The following TTN variants were observed in gnomAD, a reference collection of about 807,000 sequenced individuals.
The protein encoded by TTN is connectin.
TTN carries 1,525 observed loss-of-function variants against 3,223.0 expected under a neutral mutation model. The observed-to-expected ratio is 0.47, with a 90% CI of 0.45 to 0.49. TTN has a LOEUF of 0.49. Ranked by LOEUF, TTN falls within the 20% of genes least tolerant of loss-of-function variation. The pLI is 0.00. For missense variants in TTN, 40,786 were observed against 43,424.0 expected (o/e 0.94, Z 5.40); for synonymous variants, 14,094 against 15,161.0 (o/e 0.93, Z 5.17).
Position 178,644,606 on chromosome 2 carries a change from CT to C in TTN, c.40418del (p.Lys13473ArgfsTer19). ...EKIFQLKAIP[K>X]KKVPEKPQVP... is the part of the protein sequence containing the mutation. ...CCTGAGGTTTTTCAGGAACTTTCTT[CT>C]TTGGAATAGCTTTAAAGAATATGAT... On this transcript the variant is annotated frameshift_variant, in exon 218 of 363. Transcript: ENST00000589042. LOFTEE classifies it high-confidence loss of function. 1 of 1,570,016 alleles carries C rather than the reference CT, an allele frequency of 6.4e-7. No homozygotes were observed. The highest frequency in any genetic ancestry group is 8.6e-7 in the Non-Finnish European group (1 of 1,160,976).
chr2:178,615,904 T>A lies in TTN; in HGVS notation c.48313-116A>T, dbSNP rs1019827047. The A allele has an allele frequency of 4.3e-6, 5 of 1,160,444 alleles. No individual in the cohort carries two copies. The African/African-American group carries it at 6.3e-5, about 15-fold the overall frequency. The allele number at this position is 1,160,444 out of a possible 1,614,324, so 71.9% of individuals were successfully genotyped here. A position where few individuals can be genotyped will look rare whatever the true frequency, so the allele number is the denominator to read the frequency against. On this transcript the variant is annotated intron_variant, in intron 257 of 362. Coordinates refer to ENST00000589042, the MANE Select transcript of TTN (RefSeq NM_001267550.2). ...CAGTTGTTTTGAATGCTAGGGATTA[T>A]TCTTACATTAATTTCATATTAGGGA...
At position 178,564,158 on chromosome 2, in the gene TTN, A is replaced by T; in HGVS notation, c.81974T>A (p.Ile27325Asn). The change falls in exon 326 of 363, where the codon ATT (isoleucine) becomes AAT (asparagine). Residue 27325 changes from isoleucine to asparagine, a missense_variant. Transcript: ENST00000589042. ...ELEETAARME[I>N]KSTIQKTTLV... ...AGTTGTTTTCTGAATAGTAGATTTA[A>T]TTTCCATTCTAGCAGCTGTTTCTTC... 6.2e-7 allele frequency: 1 copy of T among 1,613,738 alleles called. No homozygotes were observed. Among genetic ancestry groups the T allele is most frequent in the Non-Finnish European group, 8.5e-7 (1 of 1,179,752 alleles).
Position 178,591,583 on chromosome 2 carries a change from C to A in TTN, c.60220+16G>T. The A allele has an allele frequency of 6.2e-7, 1 of 1,608,322 alleles. No homozygotes were observed. The highest frequency in any genetic ancestry group is 8.5e-7 in the Non-Finnish European group (1 of 1,178,448). On this transcript the variant is annotated intron_variant, in intron 303 of 362. Transcript: ENST00000589042. ...TTTAAAAAGAAATAAGGTAATACTG[C>A]TAGTCCAAAAATTACCTAGTTTTTC...
rs1223037515 is a variant in TTN at position 178,570,899 on chromosome 2, T to C, written c.75233A>G (p.Glu25078Gly). 4.3e-6 allele frequency: 7 copies of C among 1,613,556 alleles called. No individual in the cohort carries two copies. The highest frequency in any genetic ancestry group is 5.9e-6 in the Non-Finnish European group (7 of 1,179,608). The change falls in exon 326 of 363, where the codon GAG becomes GGG. Residue 25078 changes from glutamate (E) to glycine (G), a missense_variant. Coordinates refer to ENST00000589042, the MANE Select transcript of TTN (RefSeq NM_001267550.2). ...VTGLVEDHRY[E>G]FRVIARNAAG... is the part of the protein sequence containing the mutation. ...GGCATTTCGGGCTATAACCCGGAAC[T>C]CATATCTGTGATCTTCAACTAGGCC...
At chr2:178,782,687 TCCC>T in intron 18 of TTN, 85 bp from the exon 19 acceptor site, 2 of 1,602,554 alleles carry the variant, frequency 1.2e-6, no homozygotes, top group Non-Finnish European at 1.7e-6. Flanking sequence ...CCATATAATC[TCCC>T]CCCAAGTTCC....
chr2:178,592,430 C>CTG lies in TTN; in HGVS notation c.59573_59574dup (p.Val19859GlnfsTer13). 2 of 1,613,428 alleles carry CTG rather than the reference C, an allele frequency of 1.2e-6. No individual in the cohort carries two copies. Among genetic ancestry groups the CTG allele is most frequent in the Non-Finnish European group, 1.7e-6 (2 of 1,179,580 alleles). On this transcript the variant is annotated frameshift_variant, in exon 301 of 363. Transcript: ENST00000589042. LOFTEE classifies it high-confidence loss of function. ...GTTTTTGAACCAGCTGGATTCTCCA[C>CTG]TGTTAAAGAATAAATTCCACCATCT...
Position 178,592,492 on chromosome 2 carries a change from A to G in TTN, c.59513T>C (p.Val19838Ala). ...ATTACGAATTTCAAGCTTGCTACCA[A>G]CTGGAGTCACATCAATTCTTGCTTT... The part of the protein sequence containing the change: ...PTKARIDVTP[V>A]GSKLEIRNAA... The change falls in exon 301 of 363, where the codon GTT becomes GCT. Residue 19838 changes from valine to alanine, a missense_variant. Transcript: ENST00000589042. The G allele has an allele frequency of 1.9e-6, 3 of 1,613,478 alleles. No individual in the cohort carries two copies. Among genetic ancestry groups the G allele is most frequent in the Non-Finnish European group, 2.5e-6 (3 of 1,179,590 alleles).
In TTN at chr2:178,599,200, A is replaced by G. The variant is rs749192204; in HGVS notation, c.56593T>C (p.Tyr18865His). The change falls in exon 290 of 363, where the codon TAT becomes CAT. Residue 18865 changes from tyrosine to histidine, a missense_variant. Tyr to His is a moderately conservative substitution (Grantham distance 83, BLOSUM62 2). Transcript: ENST00000589042. Reference sequence around the variant, plus strand: ...CTGTCAAGAGGTTCTCCAATGCCATATTTATTCTGGGCCATGATTCGGAAT... The same window carrying G: ...CTGTCAAGAGGTTCTCCAATGCCATGTTTATTCTGGGCCATGATTCGGAAT... ...YVFRIMAQNK[Y>H]GIGEPLDSEP... 5.3e-6 allele frequency: 8 copies of G among 1,516,208 alleles called. No individual in the cohort carries two copies. The South Asian group carries it at 1.1e-4, about 21-fold the overall frequency. The allele number at this position is 1,516,208 out of a possible 1,614,324, so 93.9% of individuals were successfully genotyped here.
intron 47 of TTN, chr2:178,748,440 T>C: frequency 6.2e-7 from 1 of 1,613,146 alleles, no homozygotes; most frequent in Non-Finnish European, 8.5e-7. Flanking sequence ...GGTTGTAACG[T>C]TTCAGGGCTA....
At position 178,684,945 on chromosome 2, in the gene TTN, C is replaced by G. The variant is rs727503635; in HGVS notation, c.32515G>C (p.Ala10839Pro). Residue 10839 changes from alanine to proline, a missense_variant, in exon 130 of 363, where the codon GCT (alanine) becomes CCT (proline). Physicochemically the swap from Ala to Pro is conservative, Grantham distance 27. Transcript: ENST00000589042. ...ACCTTTTCCTTTTTAGGAACTGGAG[C>G]AGGAACTTTCTTTTCTGGCACAATT... ...KKIVPEKKVP[A>P]PVPKKEKVPP... 1 of 1,609,074 alleles carries G rather than the reference C, an allele frequency of 6.2e-7. No homozygotes were observed. The highest frequency in any genetic ancestry group is 1.7e-5 in the Admixed American group (1 of 59,480).
chr2:178,583,505 ATTTTCCTT>A (rs1017110643), intron 312 of TTN, 94 bp downstream of exon 312: 1 of 1,230,780 alleles, frequency 8.1e-7, no homozygotes, highest in East Asian at 2.6e-5. Context: ...CATCATTTTA[ATTTTCCTT>A]TTTTCCTTAG....
Position 178,733,064 on chromosome 2 carries a change from T to A in TTN, c.16112A>T (p.Asn5371Ile). Residue 5371 changes from asparagine (N) to isoleucine (I), a missense_variant, in exon 55 of 363, where the codon AAT becomes ATT. Physicochemically the swap from Asn to Ile is moderately radical, Grantham distance 149. Coordinates refer to ENST00000589042, the MANE Select transcript of TTN (RefSeq NM_001267550.2). ...KPLRNVDSVVNGTCRLDCKIA... is the reference protein window; with the variant it reads ...KPLRNVDSVVIGTCRLDCKIA... ...TTTGCAGTCCAGTCTGCAGGTACCA[T>A]TAACAACACTATCCACGTTGCGCAA... The A allele has an allele frequency of 6.2e-7, 1 of 1,611,904 alleles. No individual in the cohort carries two copies. The highest frequency in any genetic ancestry group is 8.5e-7 in the Non-Finnish European group (1 of 1,178,710).
rs747363836 is a variant in TTN, at chr2:178,580,120, A to G, written c.67167T>C (p.Tyr22389=). The G allele has an allele frequency of 1.2e-6, 2 of 1,613,360 alleles. No individual in the cohort carries two copies. The highest frequency in any genetic ancestry group is 1.7e-5 in the Admixed American group (1 of 59,982). Residue 22389 remains tyrosine (Y), a synonymous_variant, in exon 318 of 363, where the codon TAT becomes TAC. Transcript: ENST00000589042. The part of the protein sequence containing the change: ...IIDGGSPIIN[Y]VVQKRDAERK... The stretch of plus-strand genomic sequence containing the variant: ...TCTCTGCATCACGTTTTTGTACCAC[A>G]TAGTTTATGATGGGGCTTCCGCCAT...
intron 238 of TTN, 26 bp from the exon 239 acceptor site, chr2:178,630,393 T>G (rs778989415): frequency 1.3e-6 from 2 of 1,573,826 alleles, no homozygotes; most frequent in South Asian, 2.4e-5. Flanking sequence ...AGAAAAACTT[T>G]CATAGAAAAT....
intron 354 of TTN, 154 bp downstream of exon 354, chr2:178,538,386 A>G (rs933003918): frequency 1.4e-6 from 1 of 701,210 alleles, no homozygotes; most frequent in African/African-American, 1.8e-5. Context: ...GGTTTCCTGT[A>G]GAACTTGTCA....
chr2:178,594,208 C>T lies in TTN; in HGVS notation c.58185G>A (p.Lys19395=), dbSNP rs756220273. The T allele has an allele frequency of 6.8e-6, 11 of 1,613,292 alleles. No individual in the cohort carries two copies. The East Asian group carries it at 2.5e-4, about 36-fold the overall frequency. The change falls in exon 297 of 363, where the codon AAG becomes AAA. Residue 19395 remains lysine, a synonymous_variant. Coordinates refer to ENST00000589042, the MANE Select transcript of TTN (RefSeq NM_001267550.2). ...PPTLHLDFRD[K]LTIRVGEAFA... ...AAGCTTCACCAACTCGAATCGTGAG[C>T]TTATCTCTGAAGTCGAGGTGAAGCG...
In TTN at chr2:178,609,214, C is replaced by T; in HGVS notation, c.52096G>A (p.Val17366Met). The T allele has an allele frequency of 1.3e-6, 2 of 1,510,516 alleles. No individual in the cohort carries two copies. 93.6% of individuals were successfully genotyped at this position (1,510,516 alleles called of 1,614,324 possible). A position where few individuals can be genotyped will look rare whatever the true frequency, so the allele number is the denominator to read the frequency against. The part of the protein sequence containing the change: ...GIAKAPCTVS[V>M]LDTPGPPINF... Reference sequence around the variant, plus strand: ...TGTAGTTTTAATGACTCACCTAACACACTGACAGTACAAGGAGCTTTTGCA... The same window carrying T: ...TGTAGTTTTAATGACTCACCTAACATACTGACAGTACAAGGAGCTTTTGCA... The change falls in exon 273 of 363, where the codon GTG becomes ATG. Residue 17366 changes from valine (V) to methionine (M), a missense_variant. Transcript: ENST00000589042.
At chr2:178,795,577 C>T (rs1386110287) in intron 6 of TTN, among the ~76,000 whole-genome samples, 9 of 151,150 alleles carry the variant, frequency 6.0e-5, no homozygotes, top group Non-Finnish European at 1.0e-4. Context: ...AAAGGAAAGA[C>T]ATGTCAAATC....
rs2048580704 is a variant in TTN at position 178,584,884 on chromosome 2, T to G, written c.64757A>C (p.Glu21586Ala). 1.2e-6 allele frequency: 2 copies of G among 1,613,258 alleles called. No homozygotes were observed. The highest frequency in any genetic ancestry group is 8.5e-7 in the Non-Finnish European group (1 of 1,179,526). The part of the protein sequence containing the change: ...ACSLSWHIPL[E>A]DGGSNITNYI... ...ATTGGTGATGTTACTGCCTCCGTCC[T>G]CCAGAGGGATGTGCCATGACAGGGA... is the stretch of plus-strand genomic sequence containing the variant. Residue 21586 changes from glutamate (E) to alanine (A), a missense_variant, in exon 310 of 363, where the codon GAG becomes GCG. Coordinates refer to ENST00000589042, the MANE Select transcript of TTN (RefSeq NM_001267550.2).
Sources: allele counts gnomAD v4.1 joint callset (sites outside exome capture counted in the v4.1 genomes callset), GRCh38; gene constraint gnomAD v4.1.1; transcripts MANE v1.5; gene names NCBI Gene and HGNC (gene_info 2026-07-23, HGNC 2026-07-21).